Variants in ANHX observed in about 807,000 individuals in gnomAD.
ANHX encodes the protein anomalous homeobox, also known as anomalous homeobox protein.
ANHX carries 20 observed loss-of-function variants against 38.9 expected under a neutral mutation model. The observed-to-expected ratio is 0.51, with a 90% CI of 0.36 to 0.75. The LOEUF (loss-of-function observed/expected upper bound fraction) is 0.75. Ranked by LOEUF, ANHX falls within the 30% of genes least tolerant of loss-of-function variation. The pLI is 0.00. For missense variants in ANHX, 475 were observed against 493.1 expected (o/e 0.96, Z 0.35); for synonymous variants, 185 against 203.1 (o/e 0.91, Z 0.76).
intron 1 of ANHX, chr12:133,234,711 G>A (rs554365288): frequency 3.8e-6 from 1 of 260,360 alleles, no homozygotes; most frequent in Non-Finnish European, 7.4e-6. Context: ...GGATGCCAAG[G>A]CCTTTCATCT....
At chr12:133,230,628 T>A (rs998745416) in intron 3 of ANHX, among the ~76,000 whole-genome samples, 2 of 152,046 alleles carry the variant, frequency 1.3e-5, no homozygotes, top group African/African-American at 4.8e-5. Flanking sequence ...AATTAAAAAT[T>A]AGCTGGGCAT....
At chr12:133,219,752 G>C (rs1486522914) in intron 8 of ANHX, among the ~76,000 whole-genome samples, 1 of 152,172 alleles carries the variant, frequency 6.6e-6, no homozygotes, top group Non-Finnish European at 1.5e-5. Flanking sequence ...CATGGCCACG[G>C]CACTCCTGGG....
chr12:133,224,927 A>C (rs997917302), intron 7 of ANHX, among the ~76,000 whole-genome samples: 27 of 148,736 alleles, frequency 1.8e-4, no homozygotes, highest in Non-Finnish European at 3.7e-4. Context: ...AGATCACGCC[A>C]CTGCACTCCA....
chr12:133,224,900 G>A (rs1957167407), intron 7 of ANHX, among the ~76,000 whole-genome samples: 2 of 149,836 alleles, frequency 1.3e-5, no homozygotes, highest in South Asian at 4.2e-4. Flanking sequence ...CTGGGAGGAG[G>A]AGGTTGCAGT....
At chr12:133,222,657 A>G (rs1205039010) in intron 7 of ANHX, among the ~76,000 whole-genome samples, 1 of 152,186 alleles carries the variant, frequency 6.6e-6, no homozygotes, top group Admixed American at 6.5e-5. Context: ...GTATGATCAA[A>G]CTGACAAGCC....
chr12:133,222,485 C>G (rs1957123085), intron 7 of ANHX, among the ~76,000 whole-genome samples: 1 of 152,148 alleles, frequency 6.6e-6, no homozygotes, highest in African/African-American at 2.4e-5. Context: ...ACAGAACATC[C>G]CCCCTCACTT....
At chr12:133,223,847 A>AC (rs966938198) in intron 7 of ANHX, among the ~76,000 whole-genome samples, 7 of 150,646 alleles carry the variant, frequency 4.6e-5, no homozygotes, top group African/African-American at 1.5e-4. Context: ...TTTAAGACCC[A>AC]CCCCCCCAAA....
chr12:133,234,134 G>C lies in ANHX; in HGVS notation c.223C>G (p.Gln75Glu). The change falls in exon 2 of 10, where the codon CAG (glutamine) becomes GAG (glutamate). Residue 75 changes from glutamine (Q) to glutamate (E), a missense_variant. Gln to Glu is a conservative substitution (Grantham distance 29). Coordinates refer to ENST00000545940, the MANE Select transcript of ANHX (RefSeq NM_001372060.1). ...CARVLDQQEQQQAACRLLEGC... is the reference protein window; with the variant it reads ...CARVLDQQEQEQAACRLLEGC... ...TCCAGGAGGCGGCAAGCCGCCTGCTGCTGCTCCTGCTGGTCCAGGACACGG... is the reference window on the plus strand; with the variant it reads ...TCCAGGAGGCGGCAAGCCGCCTGCTCCTGCTCCTGCTGGTCCAGGACACGG... 1 of 1,535,940 alleles carries C rather than the reference G, an allele frequency of 6.5e-7. No individual in the cohort carries two copies. Among genetic ancestry groups the C allele is most frequent in the South Asian group, 1.2e-5 (1 of 84,044 alleles).
At chr12:133,224,599 G>C (rs1957158329) in intron 7 of ANHX, among the ~76,000 whole-genome samples, 2 of 146,884 alleles carry the variant, frequency 1.4e-5, no homozygotes, top group South Asian at 4.3e-4. Flanking sequence ...GGAGGCAGAG[G>C]TTGCAGTGAG....
chr12:133,232,132 G>A (rs1957286970), intron 2 of ANHX, among the ~76,000 whole-genome samples: 1 of 152,168 alleles, frequency 6.6e-6, no homozygotes, highest in South Asian at 2.1e-4. Flanking sequence ...TTACATGAAA[G>A]ACCTTTGTCT....
intron 1 of ANHX, chr12:133,234,687 C>T: frequency 3.3e-6 from 1 of 299,420 alleles, no homozygotes; most frequent in Non-Finnish European, 6.3e-6. Flanking sequence ...ACCTTGTGTG[C>T]AGGGGTCACC....
chr12:133,222,413 A>G (rs1369828632), intron 7 of ANHX, among the ~76,000 whole-genome samples: 8 of 152,142 alleles, frequency 5.3e-5, no homozygotes, highest in African/African-American at 1.9e-4. Flanking sequence ...GTACCCAGGC[A>G]GCAGCAGGGA....
At chr12:133,233,846 GTCACAGATCA>G (rs1233674426) in intron 2 of ANHX, among the ~76,000 whole-genome samples, 2 of 152,206 alleles carry the variant, frequency 1.3e-5, no homozygotes, top group Non-Finnish European at 2.9e-5. Flanking sequence ...CATCTTGCCT[GTCACAGATCA>G]CCACTCAATA....
At chr12:133,225,957 A>G (rs956527001) in intron 6 of ANHX, among the ~76,000 whole-genome samples, 129 bp from the exon 7 acceptor site, 1 of 152,074 alleles carries the variant, frequency 6.6e-6, no homozygotes, top group Non-Finnish European at 1.5e-5. Context: ...GCTGGTATTA[A>G]CTCAATGAAA....
intron 2 of ANHX, among the ~76,000 whole-genome samples, chr12:133,233,358 T>A (rs2135578333): frequency 6.6e-6 from 1 of 152,300 alleles, no homozygotes; most frequent in South Asian, 2.1e-4. Flanking sequence ...AGGAACCGAG[T>A]ATCTTGAAGG....
At chr12:133,227,357 G>A (rs1305897669) in intron 4 of ANHX, among the ~76,000 whole-genome samples, 3 of 152,230 alleles carry the variant, frequency 2.0e-5, no homozygotes, top group Non-Finnish European at 4.4e-5. Context: ...TGAGCAGTGA[G>A]GCCCAGGTCA....
intron 9 of ANHX, 75 bp from the exon 10 acceptor site, chr12:133,219,046 C>G (rs903194281): frequency 1.4e-6 from 2 of 1,389,228 alleles, no homozygotes; most frequent in Non-Finnish European, 1.9e-6. Flanking sequence ...CTGGGCACCT[C>G]CTGACCTTGG....
At chr12:133,224,924 G>GTA in intron 7 of ANHX, among the ~76,000 whole-genome samples, 1 of 143,980 alleles carries the variant, frequency 6.9e-6, no homozygotes, top group Non-Finnish European at 1.5e-5. Flanking sequence ...CCGAGATCAC[G>GTA]CCACTGCACT....
rs141902064 is a variant in ANHX, at chr12:133,218,604, C to T, written c.*281G>A. On this transcript the variant is annotated 3_prime_UTR_variant, in exon 10 of 10. Coordinates refer to ENST00000545940, the MANE Select transcript of ANHX (RefSeq NM_001372060.1). ...AATGGCCTTCTCTGCACGAGTGCCC[C>T]GGAGCCCGACTGATCCAGTGCTGCG... The T allele has an allele frequency of 0.027, 7,289 of 272,746 alleles. 149 individuals carry two copies. Among genetic ancestry groups the T allele is most frequent in the Non-Finnish European group, 0.038 (5,491 of 145,692 alleles). 16.9% of individuals were successfully genotyped at this position (272,746 alleles called of 1,614,324 possible).
Sources: gnomAD v4.1 joint callset for allele counts (sites outside exome capture counted in the v4.1 genomes callset) on GRCh38, gnomAD v4.1.1 for gene constraint, MANE v1.5 for transcripts, NCBI Gene and HGNC (gene_info 2026-07-23, HGNC 2026-07-21) for gene names.